The following ZFHX3 variants were observed in gnomAD, a reference collection of about 807,000 sequenced individuals.
ZFHX3 encodes the protein zinc finger homeobox protein 3.
A neutral mutation model predicts 279.1 loss-of-function variants in ZFHX3; 42 were observed. The ratio of observed to expected loss-of-function variants is 0.15; its 90% CI spans 0.12 to 0.19. ZFHX3 has a LOEUF of 0.19. Among genes scored for constraint, ZFHX3 ranks in the 10% least tolerant of loss-of-function variants. The pLI is 1.00. For synonymous variants in ZFHX3, 2,293 were observed against 1,957.8 expected, an observed-to-expected ratio of 1.17 and a Z score of -4.52; for missense variants, 4,981 against 4,754.0, an observed-to-expected ratio of 1.05 and a Z score of -1.40.
chr16:72,954,827 A>G (rs1261578042), intron 2 of ZFHX3, among the ~76,000 whole-genome samples: 1 of 152,178 alleles, frequency 6.6e-6, no homozygotes, highest in Non-Finnish European at 1.5e-5. Context: ...CCCCACAATC[A>G]GTGTCTGTTT....
At chr16:73,349,883 T>C (rs1183001987) in intron 3 of ZFHX3, among the ~76,000 whole-genome samples, 2 of 141,856 alleles carry the variant, frequency 1.4e-5, no homozygotes, top group Non-Finnish European at 3.1e-5. Flanking sequence ...TCCTCTCTTC[T>C]TTACTCCCCT....
At chr16:73,373,228 C>G (rs2016663213) in intron 3 of ZFHX3, among the ~76,000 whole-genome samples, 1 of 152,050 alleles carries the variant, frequency 6.6e-6, no homozygotes, top group Non-Finnish European at 1.5e-5. Flanking sequence ...CACTTCTCAC[C>G]AATTGGGTGG....
rs368935208 is a variant in ZFHX3 at position 73,155,729 on chromosome 16, A to C, written c.-1103-11898T>G. On this transcript the variant is annotated intron_variant, in intron 5 of 17. Coordinates refer to the ZFHX3 transcript ENST00000641206. ...CCCCAGCTACTCGGGAGGCTGAGGC[A>C]GGAGAATCGCTTGAACCCAGGAGGC... 1.8e-4 allele frequency among the ~76,000 whole-genome samples: 27 copies of C among 152,222 alleles called. No individual in the cohort carries two copies. The East Asian group carries it at 4.6e-3, about 26-fold the overall frequency.
intron 3 of ZFHX3, among the ~76,000 whole-genome samples, chr16:72,945,814 C>T (rs771449933): frequency 1.3e-5 from 2 of 152,050 alleles, no homozygotes; most frequent in African/African-American, 2.4e-5. Flanking sequence ...AGGGGACGGT[C>T]CCCAAAGGAT....
chr16:73,191,888 G>C lies in ZFHX3; in HGVS notation c.-1103-48057C>G, dbSNP rs570446368. On this transcript the variant is annotated intron_variant, in intron 5 of 17. Transcript: ENST00000641206. ...AGGCCTCCTCATGCTGTGCAAACAC[G>C]CTTTAGTGGACATATGTTGGGAGCA... Among the ~76,000 whole-genome samples, 6 of 152,280 alleles carry C rather than the reference G, an allele frequency of 3.9e-5. No homozygotes were observed. In the East Asian group the frequency reaches 9.7e-4, roughly 25 times the overall value.
chr16:72,796,111 G>A lies in ZFHX3; in HGVS notation c.6571C>T (p.His2191Tyr). 6.2e-7 allele frequency: 1 copy of A among 1,614,188 alleles called. No homozygotes were observed. The highest frequency in any genetic ancestry group is 1.6e-4 in the Middle Eastern group (1 of 6,062). Residue 2191 changes from histidine to tyrosine, a missense_variant, in exon 9 of 10, where the codon CAC becomes TAC. Coordinates refer to ENST00000268489, the MANE Select transcript of ZFHX3 (RefSeq NM_006885.4). ...TTGAAGAGAGTGTTCCTGAACCAGT[G>A]CTTGATCACTTTCTGGGGCAACCCG... is the stretch of plus-strand genomic sequence containing the variant. Reference protein sequence around the residue: ...KSGLPQKVIKHWFRNTLFKER... With the variant: ...KSGLPQKVIKYWFRNTLFKER...
intron 5 of ZFHX3, among the ~76,000 whole-genome samples, chr16:73,205,986 T>G (rs1024557139): frequency 2.0e-5 from 3 of 152,218 alleles, no homozygotes; most frequent in Non-Finnish European, 4.4e-5. Flanking sequence ...AAATGGACTT[T>G]GACAAATCGC....
intron 7 of ZFHX3, among the ~76,000 whole-genome samples, chr16:72,806,462 T>C (rs904058456): frequency 2.0e-5 from 3 of 152,232 alleles, no homozygotes; most frequent in Non-Finnish European, 2.9e-5. Context: ...AGGTCACTTC[T>C]AATTTAGACC....
At chr16:73,393,935 T>C (rs1388626746) in intron 3 of ZFHX3, among the ~76,000 whole-genome samples, 3 of 148,186 alleles carry the variant, frequency 2.0e-5, no homozygotes, top group Non-Finnish European at 4.5e-5. Context: ...ATATAAGATA[T>C]ATATAAAATA....
chr16:72,828,992 G>A (rs1308552900), intron 5 of ZFHX3, among the ~76,000 whole-genome samples: 1 of 150,972 alleles, frequency 6.6e-6, no homozygotes, highest in East Asian at 2.0e-4. Context: ...CTCTCAGCTG[G>A]GAATCTTTTT....
At chr16:73,359,905 A>T (rs1314237573) in intron 3 of ZFHX3, among the ~76,000 whole-genome samples, 1 of 151,220 alleles carries the variant, frequency 6.6e-6, no homozygotes, top group Admixed American at 6.6e-5. Context: ...GTTAGATGGG[A>T]TTTTTTTTTT....
intron 1 of ZFHX3, among the ~76,000 whole-genome samples, chr16:73,728,427 T>C (rs752870870): frequency 2.0e-5 from 3 of 152,206 alleles, no homozygotes; most frequent in Non-Finnish European, 4.4e-5. Flanking sequence ...AACTAGCAAC[T>C]ACCATATTAG....
At position 72,957,797 on chromosome 16, in the gene ZFHX3, T is replaced by TGCCGCC. The variant is rs757316139; in HGVS notation, c.2343_2348dup (p.Ala783_Ala784dup). ...CCCCGCAGGAGCTACTGATATTGGC[T>TGCCGCC]GCCGCCGCCGCCGCAGCCACCGCCG... is the stretch of plus-strand genomic sequence containing the variant. On this transcript the variant is annotated inframe_insertion, in exon 2 of 10. Coordinates refer to ENST00000268489, the MANE Select transcript of ZFHX3 (RefSeq NM_006885.4). 3.9e-5 allele frequency: 63 copies of TGCCGCC among 1,608,238 alleles called. No individual in the cohort carries two copies. In the East Asian group the frequency reaches 8.5e-4, roughly 22 times the overall value.
At chr16:73,536,792 T>C (rs2019909660) in intron 2 of ZFHX3, among the ~76,000 whole-genome samples, 1 of 152,160 alleles carries the variant, frequency 6.6e-6, no homozygotes, top group Admixed American at 6.5e-5. Flanking sequence ...AGGACTATGT[T>C]TCCAGGCTCC....
At chr16:73,471,496 C>T (rs1242855110) in intron 2 of ZFHX3, among the ~76,000 whole-genome samples, 7 of 152,106 alleles carry the variant, frequency 4.6e-5, no homozygotes, top group African/African-American at 1.7e-4. Context: ...GCAACCTCCA[C>T]CTCCCAGGTT....
intron 1 of ZFHX3, among the ~76,000 whole-genome samples, chr16:72,970,363 CA>C (rs1182679242): frequency 2.0e-5 from 3 of 152,120 alleles, no homozygotes; most frequent in Non-Finnish European, 2.9e-5. Context: ...GCAATTTAAA[CA>C]GCTATAGTAA....
rs1413311731 is a variant in ZFHX3, at chr16:72,963,436, A to T, written c.-49-3242T>A. Among the ~76,000 whole-genome samples the T allele has an allele frequency of 2.6e-5, 4 of 152,212 alleles. No individual in the cohort carries two copies. The South Asian group carries it at 8.3e-4, about 32-fold the overall frequency. On this transcript the variant is annotated intron_variant, in intron 1 of 9. Transcript: ENST00000268489. ...TCTCTCCAGTGAGAAAGTTAAAGGG[A>T]AGATAGGAATGACCTAGCTGGCTCA... is the stretch of plus-strand genomic sequence containing the variant.
chr16:73,159,003 C>G (rs1456265223), intron 5 of ZFHX3, among the ~76,000 whole-genome samples: 1 of 152,144 alleles, frequency 6.6e-6, no homozygotes, highest in Non-Finnish European at 1.5e-5. Flanking sequence ...CAGTACCACT[C>G]TGGACATAGG....
chr16:73,405,974 T>C (rs2017351761), intron 3 of ZFHX3, among the ~76,000 whole-genome samples: 1 of 152,200 alleles, frequency 6.6e-6, no homozygotes, highest in African/African-American at 2.4e-5. Context: ...AAACAATTCC[T>C]CCTAGGGATG....
Sources: gnomAD v4.1 joint callset for allele counts (sites outside exome capture counted in the v4.1 genomes callset) on GRCh38, gnomAD v4.1.1 for gene constraint, MANE v1.5 for transcripts, NCBI Gene and HGNC (gene_info 2026-07-23, HGNC 2026-07-21) for gene names.